The following HARBI1 variants were observed in gnomAD, a reference collection of about 807,000 sequenced individuals.
HARBI1 encodes the protein putative nuclease HARBI1.
In HARBI1, 15 loss-of-function variants were observed where a neutral mutation model predicts 25.3. The observed-to-expected ratio is 0.59, with a 90% CI of 0.40 to 0.91. The LOEUF (loss-of-function observed/expected upper bound fraction) is 0.91. Ranked by LOEUF, HARBI1 falls within the 40% of genes least tolerant of loss-of-function variation. The pLI, the probability that HARBI1 is intolerant of heterozygous loss-of-function variation, is 0.00. For synonymous variants in HARBI1, 168 were observed against 160.5 expected (o/e 1.05, Z -0.35); for missense variants, 396 against 445.8 (o/e 0.89, Z 1.01).
chr11:46,617,544 C>CCA (rs1555033043), upstream of HARBI1: 4 of 231,598 alleles, frequency 1.7e-5, no homozygotes, highest in African/African-American at 1.2e-4. Flanking sequence ...TCTTTCACCC[C>CCA]CCCCCCCCGG....
chr11:46,603,665 A>G lies in HARBI1; in HGVS notation c.915T>C (p.His305=). 1.9e-6 allele frequency: 3 copies of G among 1,614,144 alleles called. No individual in the cohort carries two copies. The highest frequency in any genetic ancestry group is 2.7e-5 in the African/African-American group (2 of 75,044). ...TTGGAGAGGACCAAACATCCATCCC[A>G]TGCTCCAGGGAGATGTTGTGGAGGA... ...CCVLHNISLE[H]GMDVWSSPMT... The change falls in exon 3 of 3, where the codon CAT becomes CAC. Residue 305 remains histidine, a synonymous_variant. Transcript: ENST00000326737.
At chr11:46,604,188 G>T (rs2044853529) in intron 2 of HARBI1, 1 of 985,260 alleles carries the variant, frequency 1.0e-6, no homozygotes, top group South Asian at 4.7e-5. Context: ...AATGTAGGAA[G>T]GAGGTGAAGG....
intron 2 of HARBI1, among the ~76,000 whole-genome samples, chr11:46,615,366 C>T (rs1462128048): frequency 6.6e-6 from 1 of 151,738 alleles, no homozygotes; most frequent in Non-Finnish European, 1.5e-5. Context: ...GAACTACAGG[C>T]GCCTGCCACC....
At chr11:46,609,350 T>G (rs1013502533) in intron 2 of HARBI1, among the ~76,000 whole-genome samples, 6 of 150,614 alleles carry the variant, frequency 4.0e-5, no homozygotes, top group African/African-American at 1.5e-4. Flanking sequence ...GTGAGCCACT[T>G]TTCTTTTTTT....
chr11:46,606,622 T>C (rs895091732), intron 2 of HARBI1, among the ~76,000 whole-genome samples: 1 of 152,112 alleles, frequency 6.6e-6, no homozygotes, highest in African/African-American at 2.4e-5. Flanking sequence ...CCTAACTTTA[T>C]TTTCAATATT....
intron 2 of HARBI1, among the ~76,000 whole-genome samples, chr11:46,605,861 C>G (rs552117639): frequency 5.7e-4 from 86 of 150,598 alleles, no homozygotes; most frequent in African/African-American, 2.0e-3. Flanking sequence ...GGCTGGGATT[C>G]CAGGCATGAG....
chr11:46,606,283 G>A (rs1471600153), intron 2 of HARBI1, among the ~76,000 whole-genome samples: 2 of 151,544 alleles, frequency 1.3e-5, no homozygotes, highest in East Asian at 3.9e-4. Flanking sequence ...ATGACTCATT[G>A]AACACCTACT....
intron 2 of HARBI1, among the ~76,000 whole-genome samples, chr11:46,607,083 A>T (rs1319115926): frequency 6.6e-6 from 1 of 152,042 alleles, no homozygotes; most frequent in Non-Finnish European, 1.5e-5. Context: ...TGGTCAACAC[A>T]GCAAAACCCC....
At position 46,604,161 on chromosome 11, in the gene HARBI1, G is replaced by T. The variant is rs555757828; in HGVS notation, c.671-252C>A. ...CACATAAAAACGCTGGCACCTAAAG[G>T]AAGCCAAATATGAAAGAATGTAGGA... On this transcript the variant is annotated intron_variant, in intron 2 of 2. Coordinates refer to ENST00000326737, the MANE Select transcript of HARBI1 (RefSeq NM_173811.4). 4.1e-6 allele frequency: 4 copies of T among 985,396 alleles called. No individual in the cohort carries two copies. In the South Asian group the frequency reaches 1.9e-4, roughly 46 times the overall value. 61.0% of individuals were successfully genotyped at this position (985,396 alleles called of 1,614,324 possible).
intron 2 of HARBI1, among the ~76,000 whole-genome samples, chr11:46,613,407 T>C (rs890598731): frequency 7.9e-5 from 12 of 151,600 alleles, no homozygotes; most frequent in Non-Finnish European, 1.6e-4. Context: ...CAGAGCCAGA[T>C]AAAAATTAAG....
intron 2 of HARBI1, among the ~76,000 whole-genome samples, chr11:46,611,705 C>T (rs561522611): frequency 2.8e-5 from 4 of 145,130 alleles, no homozygotes; most frequent in East Asian, 2.0e-4. Flanking sequence ...AGTGAGACCC[C>T]GTGACAAAAA....
Position 46,617,164 on chromosome 11 carries a change from AC to A in HARBI1, c.-186del. On this transcript the variant is annotated 5_prime_UTR_variant, in exon 1 of 3. Transcript: ENST00000326737. ...AGGTTACCAGCCACACTTCCCACCC[AC>A]CCAGCCGGGTTGGGCCCTCCTCCGG... 1 of 255,188 alleles carries A rather than the reference AC, an allele frequency of 3.9e-6. No homozygotes were observed. The highest frequency in any genetic ancestry group is 6.2e-6 in the Non-Finnish European group (1 of 162,522). 15.8% of individuals were successfully genotyped at this position (255,188 alleles called of 1,614,324 possible). A position where few individuals can be genotyped will look rare whatever the true frequency, so the allele number is the denominator to read the frequency against.
At chr11:46,616,829 G>A (rs1443708643) in intron 1 of HARBI1, 1 of 146,036 alleles carries the variant, frequency 6.8e-6, no homozygotes, top group Admixed American at 2.1e-4. Context: ...GAAAAGAAGG[G>A]GCAAAAAAAA....
At chr11:46,604,283 TG>T in intron 2 of HARBI1, 3 of 955,640 alleles carry the variant, frequency 3.1e-6, no homozygotes, top group Non-Finnish European at 3.7e-6. Context: ...CTGAGGCGGG[TG>T]GATCACCAAC....
chr11:46,617,593 C>T, upstream of HARBI1: 1 of 155,624 alleles, frequency 6.4e-6, no homozygotes. Context: ...CTAACGATGG[C>T]GGCGCCGGGA....
intron 2 of HARBI1, among the ~76,000 whole-genome samples, chr11:46,610,346 AATAT>A (rs111841155): frequency 1.4e-5 from 2 of 144,794 alleles, no homozygotes; most frequent in African/African-American, 2.5e-5. Context: ...GTATGTATAT[AATAT>A]ATATATATAT....
intron 2 of HARBI1, among the ~76,000 whole-genome samples, chr11:46,608,723 C>T (rs2045054747): frequency 6.6e-6 from 1 of 151,760 alleles, no homozygotes; most frequent in Non-Finnish European, 1.5e-5. Flanking sequence ...TCAAGCAATT[C>T]TCCTGCCTCA....
Position 46,616,309 on chromosome 11 carries a change from C to G in HARBI1, c.-72G>C. The G allele has an allele frequency of 6.6e-7, 1 of 1,520,512 alleles. No homozygotes were observed. The highest frequency in any genetic ancestry group is 8.8e-7 in the Non-Finnish European group (1 of 1,142,694). 94.2% of individuals were successfully genotyped at this position (1,520,512 alleles called of 1,614,324 possible). A position where few individuals can be genotyped will look rare whatever the true frequency, so the allele number is the denominator to read the frequency against. Reference sequence around the variant, plus strand: ...CCCAATGAAGATGTTGGTGCAAGAACGTATTTTTAAGAAAGTATCAGAATC... The same window carrying G: ...CCCAATGAAGATGTTGGTGCAAGAAGGTATTTTTAAGAAAGTATCAGAATC... On this transcript the variant is annotated 5_prime_UTR_variant, in exon 2 of 3. Transcript: ENST00000326737.
chr11:46,609,458 T>C (rs1249344999), intron 2 of HARBI1, among the ~76,000 whole-genome samples: 3 of 152,114 alleles, frequency 2.0e-5, no homozygotes, highest in Non-Finnish European at 4.4e-5. Flanking sequence ...GCAATTCTCC[T>C]GCATCAGCCT....
Sources: gnomAD v4.1 joint callset for allele counts (sites outside exome capture counted in the v4.1 genomes callset) on GRCh38, gnomAD v4.1.1 for gene constraint, MANE v1.5 for transcripts, NCBI Gene and HGNC (gene_info 2026-07-23, HGNC 2026-07-21) for gene names.